Variants in CTNNA3 observed in about 807,000 individuals in gnomAD.
The protein encoded by CTNNA3 is catenin alpha 3.
CTNNA3 carries 76 observed loss-of-function variants against 95.7 expected under a neutral mutation model. The ratio of observed to expected loss-of-function variants is 0.79; its 90% confidence interval spans 0.66 to 0.96. The LOEUF is 0.96. Among genes scored for constraint, CTNNA3 ranks in the 40% least tolerant of loss-of-function variants. The pLI, the probability that CTNNA3 is intolerant of heterozygous loss-of-function variation, is 0.00. For synonymous variants in CTNNA3, 431 were observed against 374.4 expected, an observed-to-expected ratio of 1.15 and a Z score of -1.74; for missense variants, 1,191 against 1,089.8, an observed-to-expected ratio of 1.09 and a Z score of -1.31.
intron 13 of CTNNA3, among the ~76,000 whole-genome samples, chr10:66,134,950 A>G (rs1302140817): frequency 1.3e-5 from 2 of 152,164 alleles, no homozygotes; most frequent in Non-Finnish European, 2.9e-5. Context: ...TTACATGGTA[A>G]TGGTACTGGT....
Position 65,918,347 on chromosome 10 carries a change from A to T in CTNNA3, c.*1983T>A, listed in dbSNP as rs563865682. The T allele has an allele frequency of 1.4e-4, 21 of 152,242 alleles. No individual in the cohort carries two copies. Among genetic ancestry groups the T allele is most frequent in the African/African-American group, 4.8e-4 (20 of 41,546 alleles). 9.4% of individuals were successfully genotyped at this position (152,242 alleles called of 1,614,324 possible). ...CTGCTAGTTTGGTGATTTCAAAAAAATTTTCTATACAGCTGGTAGTTTGGT... is the reference window on the plus strand; with the variant it reads ...CTGCTAGTTTGGTGATTTCAAAAAATTTTTCTATACAGCTGGTAGTTTGGT... On this transcript the variant is annotated 3_prime_UTR_variant, in exon 18 of 18. Coordinates refer to ENST00000433211, the MANE Select transcript of CTNNA3 (RefSeq NM_013266.4).
At position 66,418,833 on chromosome 10, in the gene CTNNA3, A is replaced by G. The variant is rs187055320; in HGVS notation, c.1532-39481T>C. ...TGATAAAATTCAACATACCTTCATG[A>G]TAAAAAAATTCTCAACAAACTAGGC... On this transcript the variant is annotated intron_variant, in intron 11 of 17. Coordinates refer to ENST00000433211, the MANE Select transcript of CTNNA3 (RefSeq NM_013266.4). Among the ~76,000 whole-genome samples, 154 of 152,220 alleles carry G rather than the reference A, an allele frequency of 1.0e-3. 1 individual carries two copies. The highest frequency in any genetic ancestry group is 3.4e-3 in the African/African-American group (140 of 41,570).
At chr10:67,061,515 G>T (rs1402376587) in intron 7 of CTNNA3, among the ~76,000 whole-genome samples, 1 of 152,088 alleles carries the variant, frequency 6.6e-6, no homozygotes, top group African/African-American at 2.4e-5. Context: ...ATCTTTAGCT[G>T]GAGTGGAGGC....
chr10:67,245,851 T>C (rs1190223095), intron 5 of CTNNA3, among the ~76,000 whole-genome samples: 2 of 119,074 alleles, frequency 1.7e-5, no homozygotes, highest in East Asian at 4.4e-4. Context: ...CGAGACTCTG[T>C]CTCCAAAAAA....
At chr10:66,228,815 G>A (rs1212494937) in intron 13 of CTNNA3, among the ~76,000 whole-genome samples, 3 of 152,052 alleles carry the variant, frequency 2.0e-5, no homozygotes, top group Non-Finnish European at 4.4e-5. Context: ...TCATATATCT[G>A]TGTGCTCTGG....
intron 13 of CTNNA3, among the ~76,000 whole-genome samples, chr10:66,211,050 T>C (rs913672753): frequency 6.6e-5 from 10 of 152,190 alleles, no homozygotes; most frequent in Admixed American, 3.9e-4. Context: ...CATTCCATCA[T>C]ACTGTACCAT....
intron 12 of CTNNA3, among the ~76,000 whole-genome samples, chr10:66,376,325 T>A (rs1173826235): frequency 6.6e-6 from 1 of 152,104 alleles, no homozygotes; most frequent in Non-Finnish European, 1.5e-5. Flanking sequence ...GTAACAGGGA[T>A]AAATGGGGTG....
intron 5 of CTNNA3, among the ~76,000 whole-genome samples, chr10:67,304,842 A>C (rs975560610): frequency 2.0e-5 from 3 of 152,086 alleles, no homozygotes; most frequent in Admixed American, 6.6e-5. Flanking sequence ...CTCTGTGATC[A>C]GAGAAAGGCT....
At chr10:66,716,575 T>A (rs1170074294) in intron 9 of CTNNA3, among the ~76,000 whole-genome samples, 2 of 152,164 alleles carry the variant, frequency 1.3e-5, no homozygotes, top group Non-Finnish European at 2.9e-5. Flanking sequence ...AGTTACAGAT[T>A]GCACTGAGCC....
At chr10:67,323,890 T>G (rs922975030) in intron 5 of CTNNA3, among the ~76,000 whole-genome samples, 1 of 152,136 alleles carries the variant, frequency 6.6e-6, no homozygotes, top group Non-Finnish European at 1.5e-5. Context: ...TTGAGCAGTG[T>G]TTTATAGTTT....
intron 7 of CTNNA3, among the ~76,000 whole-genome samples, chr10:66,898,835 C>A (rs139293954): frequency 6.6e-6 from 1 of 152,146 alleles, no homozygotes; most frequent in African/African-American, 2.4e-5. Context: ...ACCAGAAGCT[C>A]ATGCAACAAA....
chr10:66,057,984 C>T (rs577026962), intron 15 of CTNNA3, among the ~76,000 whole-genome samples: 1 of 152,238 alleles, frequency 6.6e-6, no homozygotes, highest in African/African-American at 2.4e-5. Flanking sequence ...CAGTTTAAAT[C>T]ATAAGACATA....
At chr10:67,760,048 T>C (rs142785744) in intron 1 of CTNNA3, among the ~76,000 whole-genome samples, 1 of 152,306 alleles carries the variant, frequency 6.6e-6, no homozygotes, top group East Asian at 1.9e-4. Flanking sequence ...TTCTTTCTTA[T>C]GCAGCAATAG....
chr10:67,161,444 T>A (rs904474011), intron 7 of CTNNA3, among the ~76,000 whole-genome samples: 11 of 151,870 alleles, frequency 7.2e-5, no homozygotes, highest in African/African-American at 2.6e-4. Context: ...TTCCTCAAAC[T>A]GGTAAAATGT....
intron 13 of CTNNA3, among the ~76,000 whole-genome samples, chr10:66,138,234 G>C (rs2083448631): frequency 6.6e-6 from 1 of 152,082 alleles, no homozygotes; most frequent in Non-Finnish European, 1.5e-5. Context: ...AATTATTTTA[G>C]TTGCTATTTA....
intron 5 of CTNNA3, among the ~76,000 whole-genome samples, chr10:67,352,892 C>A (rs1408716144): frequency 2.6e-5 from 4 of 151,884 alleles, no homozygotes; most frequent in Admixed American, 6.6e-5. Flanking sequence ...TTCCTTCATC[C>A]TTTTTATTCT....
At chr10:66,552,589 C>A (rs562504913) in intron 10 of CTNNA3, among the ~76,000 whole-genome samples, 6 of 151,470 alleles carry the variant, frequency 4.0e-5, no homozygotes, top group African/African-American at 4.9e-5. Flanking sequence ...GAGCTTACAT[C>A]ACCATGCCAA....
intron 7 of CTNNA3, among the ~76,000 whole-genome samples, chr10:66,833,106 C>T (rs1413246613): frequency 6.6e-6 from 1 of 152,072 alleles, no homozygotes; most frequent in Non-Finnish European, 1.5e-5. Context: ...TTGTTTCTGC[C>T]TTTTAAGATC....
At chr10:67,710,812 T>C (rs1161540650) in intron 1 of CTNNA3, among the ~76,000 whole-genome samples, 1 of 152,190 alleles carries the variant, frequency 6.6e-6, no homozygotes, top group Non-Finnish European at 1.5e-5. Flanking sequence ...AATAGTGACC[T>C]GGAGAACAGG....
Sources: allele counts gnomAD v4.1 joint callset (sites outside exome capture counted in the v4.1 genomes callset), GRCh38; gene constraint gnomAD v4.1.1; transcripts MANE v1.5; gene names NCBI Gene and HGNC (gene_info 2026-07-23, HGNC 2026-07-21).